PHACTR3: variants seen among roughly 807,000 people sequenced by gnomAD.
PHACTR3 encodes phosphatase and actin regulator 3.
A neutral mutation model predicts 66.8 loss-of-function variants in PHACTR3; 16 were observed. That is an observed-to-expected ratio of 0.24 (90% CI 0.16 to 0.36). The LOEUF is 0.36. PHACTR3 is among the 10% of genes least tolerant of loss of function. PHACTR3 has a pLI of 1.00. For synonymous variants in PHACTR3, 323 were observed against 292.1 expected (o/e 1.11, Z -1.08); for missense variants, 647 against 719.9 (o/e 0.90, Z 1.16).
chr20:59,647,016 C>T (rs925320712), intron 1 of PHACTR3, among the ~76,000 whole-genome samples: 16 of 152,142 alleles, frequency 1.1e-4, no homozygotes, highest in African/African-American at 2.9e-4. Context: ...TGGTTGCAGT[C>T]GGGCAGATCA....
intron 1 of PHACTR3, among the ~76,000 whole-genome samples, chr20:59,716,393 T>C (rs1293092403): frequency 6.6e-6 from 1 of 152,022 alleles, no homozygotes; most frequent in African/African-American, 2.4e-5. Context: ...GCTGGAATTA[T>C]AGGTGTGTGC....
chr20:59,696,553 G>A (rs781213689), intron 1 of PHACTR3, among the ~76,000 whole-genome samples: 52 of 152,140 alleles, frequency 3.4e-4, no homozygotes, highest in Non-Finnish European at 6.9e-4. Context: ...GGTCTCGTTG[G>A]GATGCTCTTC....
rs112382853 is a variant in PHACTR3 at position 59,827,049 on chromosome 20, G to T, written c.1329-9456G>T. ...TTCTCAGGCACCAGGTGATTCCTCA[G>T]TACCTCTGAGAGTCCCCAGATGGAA... On this transcript the variant is annotated intron_variant, in intron 8 of 12. Transcript: ENST00000371015. Among the ~76,000 whole-genome samples, 3 of 152,060 alleles carry T rather than the reference G, an allele frequency of 2.0e-5. No homozygotes were observed. In the South Asian group the frequency reaches 6.2e-4, roughly 32 times the overall value.
rs747673720 is a variant in PHACTR3, at chr20:59,743,186, C to T, written c.198C>T (p.Ser66=). The change falls in exon 2 of 13, where the codon AGC becomes AGT. Residue 66 remains serine, a synonymous_variant. Transcript: ENST00000371015. The part of the protein sequence containing the change: ...GIRTPPVRRN[S]KLATLGRIFK... ...GAACTCCCCCTGTGAGGAGGAACAG[C>T]AAACTGGCCACCCTGGGCAGGATCT... The T allele has an allele frequency of 6.2e-7, 1 of 1,614,054 alleles. No individual in the cohort carries two copies. Among genetic ancestry groups the T allele is most frequent in the Non-Finnish European group, 8.5e-7 (1 of 1,179,974 alleles).
intron 1 of PHACTR3, among the ~76,000 whole-genome samples, chr20:59,723,009 T>C (rs1233839270): frequency 1.3e-5 from 2 of 152,062 alleles, no homozygotes; most frequent in Admixed American, 1.3e-4. Context: ...CCATCTTGGT[T>C]TTCTTCCCTT....
In PHACTR3 at chr20:59,688,029, A is replaced by C. The variant is rs2036964158; in HGVS notation, c.119-55078A>C. Among the ~76,000 whole-genome samples, 3 of 152,226 alleles carry C rather than the reference A, an allele frequency of 2.0e-5. 1 individual carries two copies. The South Asian group carries it at 6.2e-4, about 31-fold the overall frequency. On this transcript the variant is annotated intron_variant, in intron 1 of 12. Coordinates refer to ENST00000371015, the MANE Select transcript of PHACTR3 (RefSeq NM_080672.5). ...ACAAGCAGAGAGCAGCCTCAGGCACAGAACCCTTGACGGGCATGGGGTCTT... is the reference window on the plus strand; with the variant it reads ...ACAAGCAGAGAGCAGCCTCAGGCACCGAACCCTTGACGGGCATGGGGTCTT...
chr20:59,811,303 G>T (rs1348167097), intron 8 of PHACTR3, among the ~76,000 whole-genome samples: 1 of 152,178 alleles, frequency 6.6e-6, no homozygotes, highest in Non-Finnish European at 1.5e-5. Flanking sequence ...CAGGGTATCA[G>T]CTGGCAACTG....
At chr20:59,633,880 G>T (rs1284852658) in intron 1 of PHACTR3, among the ~76,000 whole-genome samples, 2 of 152,166 alleles carry the variant, frequency 1.3e-5, no homozygotes, top group Non-Finnish European at 2.9e-5. Context: ...TATTTAGGAG[G>T]TTCTTACAAA....
At chr20:59,694,646 C>T (rs2037230160) in intron 1 of PHACTR3, among the ~76,000 whole-genome samples, 1 of 152,100 alleles carries the variant, frequency 6.6e-6, no homozygotes, top group Non-Finnish European at 1.5e-5. Context: ...CTTTCTGAAC[C>T]TCATTGACTG....
At position 59,829,634 on chromosome 20, in the gene PHACTR3, G is replaced by T. The variant is rs946975608; in HGVS notation, c.1329-6871G>T. On this transcript the variant is annotated intron_variant, in intron 8 of 12. Transcript: ENST00000371015. The surrounding 1 kb of genome is among the most constrained non-coding windows in gnomAD (Gnocchi z 4.2). ...CGCTGGGGAATCCCATCTCCAGGCG[G>T]GGGCCGCCAGCTTTTCTCAGTGACT... Among the ~76,000 whole-genome samples, 4 of 152,160 alleles carry T rather than the reference G, an allele frequency of 2.6e-5. No homozygotes were observed. The highest frequency in any genetic ancestry group is 7.2e-5 in the African/African-American group (3 of 41,440).
At chr20:59,719,347 T>C (rs993491485) in intron 1 of PHACTR3, among the ~76,000 whole-genome samples, 1 of 152,144 alleles carries the variant, frequency 6.6e-6, no homozygotes, top group Non-Finnish European at 1.5e-5. Flanking sequence ...GTATTTTTAG[T>C]AGAGACAGGG....
At chr20:59,746,781 G>T (rs561437226) in intron 2 of PHACTR3, among the ~76,000 whole-genome samples, 11 of 152,318 alleles carry the variant, frequency 7.2e-5, no homozygotes, top group Admixed American at 2.0e-4. Flanking sequence ...GCAGGATCAC[G>T]GAGCAGGCCC....
chr20:59,585,639 G>A (rs897697435), intron 1 of PHACTR3, among the ~76,000 whole-genome samples: 37 of 152,300 alleles, frequency 2.4e-4, no homozygotes, highest in African/African-American at 7.9e-4. Context: ...CATGCACTCC[G>A]TGCCTGGCAC....
At chr20:59,760,186 G>A (rs2039949583) in intron 4 of PHACTR3, among the ~76,000 whole-genome samples, 1 of 152,134 alleles carries the variant, frequency 6.6e-6, no homozygotes, top group Non-Finnish European at 1.5e-5. Context: ...GATGAGTGTG[G>A]GTGTCAGGGG....
At chr20:59,723,297 C>A (rs1174829766) in intron 1 of PHACTR3, among the ~76,000 whole-genome samples, 1 of 152,048 alleles carries the variant, frequency 6.6e-6, no homozygotes, top group Non-Finnish European at 1.5e-5. Context: ...CCCACTTCCC[C>A]TTTCCCTACC....
At chr20:59,629,251 GCCT>G (rs1017049196) in intron 1 of PHACTR3, among the ~76,000 whole-genome samples, 1 of 152,178 alleles carries the variant, frequency 6.6e-6, no homozygotes, top group Non-Finnish European at 1.5e-5. Context: ...GGCAGGGGCA[GCCT>G]CCTCCTGGCC....
chr20:59,749,230 G>A lies in PHACTR3; in HGVS notation c.358+1395G>A, dbSNP rs111712900. On this transcript the variant is annotated intron_variant, in intron 3 of 12. Transcript: ENST00000371015. ...GGCATTTTGAATATGTTGCCAACAA[G>A]CATACCTTTGGATCTTAGGGAAGGA... Among the ~76,000 whole-genome samples, 307 of 152,276 alleles carry A rather than the reference G, an allele frequency of 2.0e-3. 4 individuals carry two copies. Among genetic ancestry groups the A allele is most frequent in the African/African-American group, 7.0e-3 (292 of 41,548 alleles).
At chr20:59,635,212 C>CTTTCCTTA (rs2034848639) in intron 1 of PHACTR3, among the ~76,000 whole-genome samples, 1 of 90,014 alleles carries the variant, frequency 1.1e-5, no homozygotes, top group African/African-American at 4.2e-5. Context: ...TTCTTTCCTT[C>CTTTCCTTA]CTTCCTTCCT....
At chr20:59,646,039 C>A (rs1403236608) in intron 1 of PHACTR3, among the ~76,000 whole-genome samples, 2 of 152,184 alleles carry the variant, frequency 1.3e-5, no homozygotes, top group Non-Finnish European at 1.5e-5. Context: ...CCTGCCCAGT[C>A]CCGTGGGCAG....
Sources: allele counts gnomAD v4.1 joint callset (sites outside exome capture counted in the v4.1 genomes callset), GRCh38; gene constraint gnomAD v4.1.1; non-coding constraint Gnocchi (gnomAD v3.1); transcripts MANE v1.5; gene names NCBI Gene and HGNC (gene_info 2026-07-23, HGNC 2026-07-21).